The following PCDHGB4 variants were observed in gnomAD, a reference collection of about 807,000 sequenced individuals.
PCDHGB4 encodes protocadherin gamma subfamily B, 4.
Under a neutral mutation model 60.5 loss-of-function variants are expected in PCDHGB4, and 38 were observed. That is an observed-to-expected ratio of 0.63 (90% confidence interval 0.48 to 0.82). The LOEUF is 0.82. PCDHGB4 is among the 40% of genes least tolerant of loss of function. PCDHGB4 has a pLI of 0.00. For synonymous variants in PCDHGB4, 456 were observed against 509.7 expected (o/e 0.89, Z 1.42); for missense variants, 1,109 against 1,209.6 (o/e 0.92, Z 1.23).
Position 141,389,410 on chromosome 5 carries a change from GCGGGGTGGTGTTCGCGCAGCGCGC to G in PCDHGB4, c.1528_1551del (p.Gly510_Ala517del). 1 of 1,613,600 alleles carries G rather than the reference GCGGGGTGGTGTTCGCGCAGCGCGC, an allele frequency of 6.2e-7. No homozygotes were observed. The highest frequency in any genetic ancestry group is 8.5e-7 in the Non-Finnish European group (1 of 1,179,910). On this transcript the variant is annotated inframe_deletion, in exon 1 of 4. Transcript: ENST00000519479. ...TCCTACGTGTCCATAAGCGCGGAGA[GCGGGGTGGTGTTCGCGCAGCGCGC>G]CTTCGACCACGAGCAGCTGCGCGCC...
Position 141,501,290 on chromosome 5 carries a change from TACACACACACACAC to T in PCDHGB4, c.2457-4072_2457-4059del, listed in dbSNP as rs55762287. ...GTCCAGTCTATGGGATATTCCCTTA[TACACACACACACAC>T]ACACACACACACACACACACACACA... On this transcript the variant is annotated intron_variant, in intron 2 of 3. Transcript: ENST00000519479. Among the ~76,000 whole-genome samples, 10 of 136,248 alleles carry T rather than the reference TACACACACACACAC, an allele frequency of 7.3e-5. No homozygotes were observed. In the South Asian group the frequency reaches 1.2e-3, roughly 16 times the overall value. 89.4% of individuals were successfully genotyped at this position (136,248 alleles called of 152,430 possible).
At chr5:141,406,346 G>C (rs1296474677) in intron 1 of PCDHGB4, among the ~76,000 whole-genome samples, 1 of 152,092 alleles carries the variant, frequency 6.6e-6, no homozygotes, top group Non-Finnish European at 1.5e-5. Flanking sequence ...ATTTATTCAG[G>C]TCATACTATG....
At chr5:141,479,982 C>T (rs368461965) in intron 1 of PCDHGB4, among the ~76,000 whole-genome samples, 1 of 152,192 alleles carries the variant, frequency 6.6e-6, no homozygotes, top group South Asian at 2.1e-4. Flanking sequence ...CTACCATTTA[C>T]CAACTAGGAG....
rs2099402935 is a variant in PCDHGB4, at chr5:141,476,991, G to A, written c.2398-17816G>A. On this transcript the variant is annotated intron_variant, in intron 1 of 3. Transcript: ENST00000519479. The surrounding 1 kb of genome is among the most constrained non-coding windows in gnomAD (Gnocchi z 7.6). ...GGCAGCCACAACCGCGCCGGCGTGC[G>A]GCAACTATTCGCCTTAGACCTTGTA... 4 of 1,614,094 alleles carry A rather than the reference G, an allele frequency of 2.5e-6. No homozygotes were observed. Among genetic ancestry groups the A allele is most frequent in the Non-Finnish European group, 3.4e-6 (4 of 1,180,056 alleles).
chr5:141,421,572 G>T, intron 1 of PCDHGB4: 1 of 1,613,954 alleles, frequency 6.2e-7, no homozygotes, highest in Admixed American at 1.7e-5. Flanking sequence ...AAGACACCTT[G>T]AAGATTTACG....
In PCDHGB4 at chr5:141,431,048, A is replaced by G; in HGVS notation, c.2397+40767A>G. The G allele has an allele frequency of 6.2e-7, 1 of 1,614,180 alleles. No homozygotes were observed. Among genetic ancestry groups the G allele is most frequent in the Non-Finnish European group, 8.5e-7 (1 of 1,180,018 alleles). The stretch of plus-strand genomic sequence containing the variant: ...CAGGATAGACCGGGAGGAGCTCTGT[A>G]TGGGGGCCATCAAGTGTCAATTAAA... On this transcript the variant is annotated intron_variant, in intron 1 of 3. Coordinates refer to ENST00000519479, the MANE Select transcript of PCDHGB4 (RefSeq NM_003736.4). This position sits in a 1 kb window ranked among gnomAD's most constrained non-coding sequence, Gnocchi z 4.8.
chr5:141,393,126 A>C (rs1216742718), intron 1 of PCDHGB4: 1 of 1,613,316 alleles, frequency 6.2e-7, no homozygotes, highest in East Asian at 2.2e-5. Context: ...GTGTCTGATA[A>C]ATATTAACAC....
intron 1 of PCDHGB4, among the ~76,000 whole-genome samples, chr5:141,450,304 T>C (rs759506660): frequency 1.3e-5 from 2 of 151,906 alleles, no homozygotes; most frequent in African/African-American, 2.4e-5. Flanking sequence ...TGAGCCACCA[T>C]GTGTGGCCTA....
intron 1 of PCDHGB4, chr5:141,404,928 C>G: frequency 2.5e-6 from 4 of 1,613,866 alleles, no homozygotes; most frequent in Non-Finnish European, 3.4e-6. Context: ...GCCACTGTCA[C>G]GCTCACAGTA....
In PCDHGB4 at chr5:141,476,374, GTTTGTGAACGACCGTC is replaced by G. The variant is rs1424626307; in HGVS notation, c.2398-18431_2398-18416del. 1 of 1,614,060 alleles carries G rather than the reference GTTTGTGAACGACCGTC, an allele frequency of 6.2e-7. No individual in the cohort carries two copies. The highest frequency in any genetic ancestry group is 1.3e-5 in the African/African-American group (1 of 74,922). Reference sequence around the variant, plus strand: ...AGGTGAACCGGGAGACCGGAGAGATGTTTGTGAACGACCGTCTGGATCGAGAGGAGCTGTGTGGGAC... The same window carrying G: ...AGGTGAACCGGGAGACCGGAGAGATGTGGATCGAGAGGAGCTGTGTGGGAC... On this transcript the variant is annotated intron_variant, in intron 1 of 3. Coordinates refer to ENST00000519479, the MANE Select transcript of PCDHGB4 (RefSeq NM_003736.4). The surrounding 1 kb of genome is among the most constrained non-coding windows in gnomAD (Gnocchi z 7.6).
At chr5:141,423,327 A>G in intron 1 of PCDHGB4, 1 of 1,614,100 alleles carries the variant, frequency 6.2e-7, no homozygotes, top group Non-Finnish European at 8.5e-7. Flanking sequence ...CGGTGGCCGC[A>G]GTCTCCTGCA....
At chr5:141,415,312 A>G (rs1245475147) in intron 1 of PCDHGB4, 1 of 1,614,222 alleles carries the variant, frequency 6.2e-7, no homozygotes, top group Non-Finnish European at 8.5e-7. Context: ...GGCCTTCGTC[A>G]TCGTGCTGCT....
Position 141,477,203 on chromosome 5 carries a change from G to A in PCDHGB4, c.2398-17604G>A. The A allele has an allele frequency of 6.2e-7, 1 of 1,614,176 alleles. No individual in the cohort carries two copies. The highest frequency in any genetic ancestry group is 8.5e-7 in the Non-Finnish European group (1 of 1,180,050). ...CACCTCCGTGTACAGCCCAGTACCC[G>A]AGGATGCCCCTCTGGGGACTGTCAT... On this transcript the variant is annotated intron_variant, in intron 1 of 3. Coordinates refer to ENST00000519479, the MANE Select transcript of PCDHGB4 (RefSeq NM_003736.4). This position sits in a 1 kb window ranked among gnomAD's most constrained non-coding sequence, Gnocchi z 4.9.
rs562479827 is a variant in PCDHGB4, at chr5:141,430,802, C to A, written c.2397+40521C>A. The A allele has an allele frequency of 1.2e-5, 18 of 1,524,776 alleles. No homozygotes were observed. The East Asian group carries it at 3.9e-4, about 33-fold the overall frequency. The allele number at this position is 1,524,776 out of a possible 1,614,324, so 94.5% of individuals were successfully genotyped here. On this transcript the variant is annotated intron_variant, in intron 1 of 3. Coordinates refer to ENST00000519479, the MANE Select transcript of PCDHGB4 (RefSeq NM_003736.4). ...GCACCGGGACTACAAAGGGCTTGTC[C>A]TGCTGGGAATCCTCCTGGGGACTCT... is the stretch of plus-strand genomic sequence containing the variant.
At chr5:141,497,904 A>G (rs939422338) in intron 2 of PCDHGB4, among the ~76,000 whole-genome samples, 2 of 152,136 alleles carry the variant, frequency 1.3e-5, no homozygotes, top group African/African-American at 2.4e-5. Context: ...AGTAACTTCA[A>G]CTTCTCTCCT....
chr5:141,407,390 G>T (rs2094924861), intron 1 of PCDHGB4, among the ~76,000 whole-genome samples: 1 of 152,164 alleles, frequency 6.6e-6, no homozygotes, highest in Non-Finnish European at 1.5e-5. Flanking sequence ...GTATGTCATG[G>T]TAGGTAGTTA....
chr5:141,393,428 G>A (rs1043256482), intron 1 of PCDHGB4: 2 of 1,614,042 alleles, frequency 1.2e-6, no homozygotes, highest in Admixed American at 1.7e-5. Flanking sequence ...GGGAGGAAGA[G>A]GCTGCTCACC....
intron 1 of PCDHGB4, among the ~76,000 whole-genome samples, chr5:141,437,505 A>G (rs1429147239): frequency 6.6e-6 from 1 of 152,204 alleles, no homozygotes; most frequent in Non-Finnish European, 1.5e-5. Context: ...TTTTCAATGA[A>G]TTATAAGGCT....
chr5:141,393,981 T>G, intron 1 of PCDHGB4: 3 of 1,613,792 alleles, frequency 1.9e-6, no homozygotes, highest in Non-Finnish European at 2.5e-6. Flanking sequence ...ACGTGATAAT[T>G]TACCTTTTAA....
Sources: gnomAD v4.1 joint callset for allele counts (sites outside exome capture counted in the v4.1 genomes callset) on GRCh38, gnomAD v4.1.1 for gene constraint, Gnocchi (gnomAD v3.1) non-coding constraint, MANE v1.5 for transcripts, NCBI Gene and HGNC (gene_info 2026-07-23, HGNC 2026-07-21) for gene names.